Variants in TSNARE1 observed in about 807,000 individuals in gnomAD.
TSNARE1 encodes the protein t-SNARE domain-containing protein 1.
TSNARE1 carries 49 observed loss-of-function variants against 62.0 expected under a neutral mutation model. That is an observed-to-expected ratio of 0.79 (90% CI 0.63 to 1.00). The LOEUF (loss-of-function observed/expected upper bound fraction) is 1.00, where lower values mean the gene tolerates loss of function less well. TSNARE1 is among the 50% of genes least tolerant of loss of function. TSNARE1 has a pLI of 0.00. For synonymous variants in TSNARE1, 328 were observed against 294.4 expected (o/e 1.11, Z -1.17); for missense variants, 755 against 700.1 (o/e 1.08, Z -0.88).
intron 12 of TSNARE1, chr8:142,273,143 GC>G: frequency 2.0e-6 from 2 of 985,404 alleles, no homozygotes; most frequent in Non-Finnish European, 2.4e-6. Flanking sequence ...GGCGTCCATG[GC>G]ACAGGTGGCT....
chr8:142,240,837 A>T (rs767131372), intron 12 of TSNARE1, among the ~76,000 whole-genome samples: 3 of 152,246 alleles, frequency 2.0e-5, no homozygotes, highest in Non-Finnish European at 4.4e-5. Flanking sequence ...CAGTATAAAC[A>T]GACCTTTACA....
chr8:142,277,160 A>G (rs1210010259), intron 11 of TSNARE1: 19 of 985,106 alleles, frequency 1.9e-5, no homozygotes, highest in Non-Finnish European at 2.3e-5. Context: ...CTGCAGAGCC[A>G]CAGGCCCTGG....
Position 142,236,124 on chromosome 8 carries a change from C to T in TSNARE1, c.1447-6545G>A, listed in dbSNP as rs190688564. Among the ~76,000 whole-genome samples, 7 of 152,348 alleles carry T rather than the reference C, an allele frequency of 4.6e-5. No individual in the cohort carries two copies. The East Asian group carries it at 9.6e-4, about 21-fold the overall frequency. On this transcript the variant is annotated intron_variant, in intron 12 of 13. Transcript: ENST00000524325. ...TGCCCATTCGAGGCTTCAGTTTCCCCGGTCAGTTTCCTCTGGAGGTGGGAT... is the reference window on the plus strand; with the variant it reads ...TGCCCATTCGAGGCTTCAGTTTCCCTGGTCAGTTTCCTCTGGAGGTGGGAT...
chr8:142,219,910 TGA>T (rs1816127756), intron 13 of TSNARE1, among the ~76,000 whole-genome samples: 1 of 152,080 alleles, frequency 6.6e-6, no homozygotes, highest in Non-Finnish European at 1.5e-5. Context: ...AGCCCAGAGC[TGA>T]GAGTCACATG....
At chr8:142,273,866 C>T (rs1165564697) in intron 12 of TSNARE1, 3 of 985,272 alleles carry the variant, frequency 3.0e-6, no homozygotes, top group Non-Finnish European at 3.6e-6. Flanking sequence ...TGTGATATCC[C>T]AGCGTCCTGG....
At chr8:142,275,034 T>C (rs2130613759) in intron 11 of TSNARE1, 171 bp from the exon 12 acceptor site, 1 of 985,260 alleles carries the variant, frequency 1.0e-6, no homozygotes, top group Non-Finnish European at 1.2e-6. Flanking sequence ...CCGCGTGGTG[T>C]GGGCAGTGGG....
rs11991993 is a variant in TSNARE1 at position 142,278,662 on chromosome 8, G to C, written c.1364-3799C>G. 443 of 985,316 alleles carry C rather than the reference G, an allele frequency of 4.5e-4. 12 individuals are homozygous for C. The highest frequency in any genetic ancestry group is 1.3e-4 in the Non-Finnish European group (112 of 829,938). 61.0% of individuals were successfully genotyped at this position (985,316 alleles called of 1,614,324 possible). A position where few individuals can be genotyped will look rare whatever the true frequency, so the allele number is the denominator to read the frequency against. ...CACCCTTGGAGCCAGTGGCAGCTGC[G>C]GGCTGCAGACGAGGCCTGACCAGAC... On this transcript the variant is annotated intron_variant, in intron 11 of 13. Coordinates refer to ENST00000524325, the MANE Select transcript of TSNARE1 (RefSeq NM_145003.5).
chr8:142,220,983 A>G (rs4976970), intron 13 of TSNARE1, among the ~76,000 whole-genome samples: 136,393 of 152,308 alleles, frequency 0.9, 61,148 homozygotes, highest in Non-Finnish European at 0.92. Flanking sequence ...GCAGCTATGA[A>G]TGTGGTGCAT....
chr8:142,358,044 G>C lies in TSNARE1; in HGVS notation c.-39-3281C>G, dbSNP rs9644554. 7.1e-3 allele frequency among the ~76,000 whole-genome samples: 789 copies of C among 110,632 alleles called. 2 individuals are homozygous for C. The highest frequency in any genetic ancestry group is 0.027 in the East Asian group (69 of 2,600). 72.6% of individuals were successfully genotyped at this position (110,632 alleles called of 152,430 possible). On this transcript the variant is annotated intron_variant, in intron 1 of 13. Transcript: ENST00000524325. ...TCTGCTGGGTTTCAGGACAAGGGGA[G>C]CAGCCAGCGGCCATCACTGCAAAGG...
At chr8:142,259,437 A>G (rs1382976432) in intron 12 of TSNARE1, among the ~76,000 whole-genome samples, 1 of 152,110 alleles carries the variant, frequency 6.6e-6, no homozygotes, top group African/African-American at 2.4e-5. Context: ...CCTGCCCCCC[A>G]TACCCCTACA....
At position 142,229,454 on chromosome 8, in the gene TSNARE1, G is replaced by A. The variant is rs11167136; in HGVS notation, c.*11+19C>T. On this transcript the variant is annotated intron_variant, in intron 13 of 13. Transcript: ENST00000524325. ...ATGTGCAGATGAATGGATGGTGTAC[G>A]GGTAGGTGGGGTACTCACCACGGGT... 729,489 of 1,581,668 alleles carry A rather than the reference G, an allele frequency of 0.46. 170,990 individuals carry two copies. The highest frequency in any genetic ancestry group is 0.62 in the South Asian group (55,884 of 90,390).
chr8:142,276,497 T>C (rs1820521713), intron 11 of TSNARE1: 3 of 985,334 alleles, frequency 3.0e-6, no homozygotes, highest in South Asian at 9.4e-5. Context: ...CTGGCCTCGC[T>C]TCTGTTGCTG....
At chr8:142,318,738 G>C (rs1037906944) in intron 6 of TSNARE1, 104 bp from the exon 7 acceptor site, 2 of 968,322 alleles carry the variant, frequency 2.1e-6, no homozygotes, top group Admixed American at 3.8e-5. Context: ...CCGAGTGGGG[G>C]AGACAGAGAC....
intron 13 of TSNARE1, among the ~76,000 whole-genome samples, chr8:142,227,401 A>G (rs10108869): frequency 1.4e-3 from 80 of 55,596 alleles, no homozygotes; most frequent in East Asian, 3.3e-3. Context: ...AGCCCCAGTG[A>G]CAGCCAGGAG....
chr8:142,343,874 A>G, intron 4 of TSNARE1, 92 bp downstream of exon 4: 3 of 1,239,540 alleles, frequency 2.4e-6, no homozygotes, highest in Non-Finnish European at 3.2e-6. Flanking sequence ...GTCACTGTGG[A>G]GGAAGATGCA....
intron 3 of TSNARE1, 59 bp from the exon 4 acceptor site, chr8:142,344,531 C>A (rs746039480): frequency 7.0e-7 from 1 of 1,423,140 alleles, no homozygotes; most frequent in Admixed American, 3.0e-5. Context: ...GCAGCGGCCC[C>A]GGCGGCAGCT....
intron 4 of TSNARE1, among the ~76,000 whole-genome samples, chr8:142,333,219 A>G (rs1271472245): frequency 6.6e-6 from 1 of 152,190 alleles, no homozygotes; most frequent in Non-Finnish European, 1.5e-5. Context: ...TTCACTGTAC[A>G]TAAATGAAAG....
At chr8:142,281,632 G>A (rs574673767) in intron 11 of TSNARE1, among the ~76,000 whole-genome samples, 1 of 152,076 alleles carries the variant, frequency 6.6e-6, no homozygotes, top group African/African-American at 2.4e-5. Context: ...AGGGTTAAGG[G>A]GACCCAGAGC....
chr8:142,283,951 AG>A lies in TSNARE1; in HGVS notation c.1363+461del, dbSNP rs562210140. Among the ~76,000 whole-genome samples, 146 of 142,840 alleles carry A rather than the reference AG, an allele frequency of 1.0e-3. 13 individuals carry two copies. Among genetic ancestry groups the A allele is most frequent in the African/African-American group, 3.4e-3 (138 of 40,632 alleles). 93.7% of individuals were successfully genotyped at this position (142,840 alleles called of 152,430 possible). ...CAGGGACCAGGTTCTGTCAATGAGC[AG>A]GGTGGGGGCCAGTGTCTGTCAAAGA... On this transcript the variant is annotated intron_variant, in intron 11 of 13. Transcript: ENST00000524325.
Sources: allele counts gnomAD v4.1 joint callset (sites outside exome capture counted in the v4.1 genomes callset), GRCh38; gene constraint gnomAD v4.1.1; transcripts MANE v1.5; gene names NCBI Gene and HGNC (gene_info 2026-07-23, HGNC 2026-07-21).